The following CUL1 variants were observed in gnomAD, a reference collection of about 807,000 sequenced individuals.
CUL1 encodes cullin-1.
In CUL1, 24 loss-of-function variants were observed where a neutral mutation model predicts 118.0. The observed-to-expected ratio is 0.20, with a 90% CI of 0.15 to 0.29. The LOEUF (loss-of-function observed/expected upper bound fraction) is 0.29. CUL1 is among the 10% of genes least tolerant of loss of function. The pLI is 1.00. For synonymous variants in CUL1, 332 were observed against 340.4 expected (o/e 0.98, Z 0.27); for missense variants, 361 against 933.8 (o/e 0.39, Z 7.99).
chr7:148,699,031 T>G lies in CUL1; in HGVS notation c.-162+2T>G. On this transcript the variant is annotated splice_donor_variant, in intron 1 of 21. Transcript: ENST00000325222. LOFTEE classifies it low-confidence loss of function (5UTR_SPLICE). ...CTTTGGGGCACCACAGAGATGCGGG[T>G]GAGTGTCGGCAGCCGCCGGGGCCGA... is the stretch of plus-strand genomic sequence containing the variant. 6.6e-6 allele frequency: 1 copy of G among 150,694 alleles called. No homozygotes were observed. Among genetic ancestry groups the G allele is most frequent in the East Asian group, 2.0e-4 (1 of 5,012 alleles). The allele number at this position is 150,694 out of a possible 1,614,324, so 9.3% of individuals were successfully genotyped here.
intron 1 of CUL1, among the ~76,000 whole-genome samples, chr7:148,704,776 G>A (rs1585523705): frequency 6.6e-6 from 1 of 152,160 alleles, no homozygotes; most frequent in East Asian, 1.9e-4. Context: ...TTGTCTCTGA[G>A]CAGTGGAGTT....
rs544374336 is a variant in CUL1, at chr7:148,714,452, A to G, written c.-162+15423A>G. ...TCTCCTGAGCTTATTCCTCCTATCT[A>G]ACTGAGACTTCGCACCTTTGACCAG... On this transcript the variant is annotated intron_variant, in intron 1 of 21. Transcript: ENST00000325222. 3.3e-5 allele frequency among the ~76,000 whole-genome samples: 5 copies of G among 152,308 alleles called. No homozygotes were observed. The South Asian group carries it at 1.0e-3, about 32-fold the overall frequency.
chr7:148,756,888 A>G, intron 3 of CUL1, 95 bp from the exon 4 acceptor site: 8 of 747,940 alleles, frequency 1.1e-5, no homozygotes, highest in Admixed American at 3.0e-5. Context: ...CACATGTGTC[A>G]ATGTATTTTA....
chr7:148,765,082 A>G (rs1799963154), intron 7 of CUL1, among the ~76,000 whole-genome samples: 2 of 152,088 alleles, frequency 1.3e-5, no homozygotes, highest in South Asian at 4.2e-4. Flanking sequence ...TTTGCTGGAG[A>G]TCATTATGTA....
intron 9 of CUL1, among the ~76,000 whole-genome samples, chr7:148,770,444 A>G (rs1384991465): frequency 6.6e-6 from 1 of 152,244 alleles, no homozygotes; most frequent in Non-Finnish European, 1.5e-5. Context: ...CACTGTTTCT[A>G]CATTGAACTC....
chr7:148,754,961 C>T (rs1322143602), intron 3 of CUL1, among the ~76,000 whole-genome samples: 1 of 151,972 alleles, frequency 6.6e-6, no homozygotes, highest in Non-Finnish European at 1.5e-5. Context: ...TTTATGTTGC[C>T]CAGGCTGGTC....
At chr7:148,779,237 G>A (rs1426307254) in intron 9 of CUL1, among the ~76,000 whole-genome samples, 1 of 152,204 alleles carries the variant, frequency 6.6e-6, no homozygotes, top group Non-Finnish European at 1.5e-5. Context: ...TCCTGGTTTA[G>A]CCATTTAGGA....
chr7:148,783,697 G>A, intron 9 of CUL1, 86 bp from the exon 10 acceptor site: 1 of 1,580,006 alleles, frequency 6.3e-7, no homozygotes, highest in Non-Finnish European at 8.7e-7. Context: ...AGAATATTTT[G>A]TATGCTAGTA....
At chr7:148,766,883 G>A (rs1800023810) in intron 8 of CUL1, among the ~76,000 whole-genome samples, 160 bp downstream of exon 8, 1 of 152,186 alleles carries the variant, frequency 6.6e-6, no homozygotes, top group Non-Finnish European at 1.5e-5. Context: ...TCAGACTTCT[G>A]CAGAGCATTT....
At chr7:148,768,118 A>G (rs894078957) in intron 9 of CUL1, among the ~76,000 whole-genome samples, 1 of 152,130 alleles carries the variant, frequency 6.6e-6, no homozygotes, top group African/African-American at 2.4e-5. Flanking sequence ...TTTGATCTGG[A>G]TAGTAGCCTC....
intron 1 of CUL1, among the ~76,000 whole-genome samples, chr7:148,703,089 G>A (rs1267745748): frequency 6.6e-6 from 1 of 152,204 alleles, no homozygotes; most frequent in Non-Finnish European, 1.5e-5. Context: ...CGGAGCTCAG[G>A]CTTTTAACCA....
Position 148,742,598 on chromosome 7 carries a change from G to GTTTTTTTTTTTTTTT in CUL1, c.141-11374_141-11360dup, listed in dbSNP as rs59592789. Among the ~76,000 whole-genome samples, 424 of 112,122 alleles carry GTTTTTTTTTTTTTTT rather than the reference G, an allele frequency of 3.8e-3. 7 individuals are homozygous for GTTTTTTTTTTTTTTT. The highest frequency in any genetic ancestry group is 5.4e-3 in the Middle Eastern group (1 of 186). The allele number at this position is 112,122 out of a possible 152,430, so 73.6% of individuals were successfully genotyped here. A position where few individuals can be genotyped will look rare whatever the true frequency, so the allele number is the denominator to read the frequency against. On this transcript the variant is annotated intron_variant, in intron 2 of 21. Transcript: ENST00000325222. ...TTCTTAAATCTTTCTACCTTTTCTG[G>GTTTTTTTTTTTTTTT]TTTTTTTTTTTTTTTTTTGAGTTGG...
At chr7:148,722,414 G>T (rs1478995810) in intron 1 of CUL1, among the ~76,000 whole-genome samples, 1 of 152,064 alleles carries the variant, frequency 6.6e-6, no homozygotes, top group Admixed American at 6.6e-5. Flanking sequence ...CTCCATAGCC[G>T]CTTCTCACAC....
At chr7:148,793,050 C>T (rs2129463401) in intron 17 of CUL1, among the ~76,000 whole-genome samples, 1 of 152,330 alleles carries the variant, frequency 6.6e-6, no homozygotes, top group East Asian at 1.9e-4. Context: ...GTCCCAGCTT[C>T]TTGGGAGGCT....
Position 148,800,637 on chromosome 7 carries a change from G to T in CUL1, c.*55G>T. On this transcript the variant is annotated 3_prime_UTR_variant, in exon 22 of 22. Transcript: ENST00000325222. The surrounding 1 kb of genome is among the most constrained non-coding windows in gnomAD (Gnocchi z 4.6). ...CGCAGCAAATAGTTCATGTTGGAAA[G>T]AATGAAAACAACTCAAGTTCATAGC... The T allele has an allele frequency of 7.0e-7, 1 of 1,423,946 alleles. No individual in the cohort carries two copies. The highest frequency in any genetic ancestry group is 9.8e-7 in the Non-Finnish European group (1 of 1,017,366). The allele number at this position is 1,423,946 out of a possible 1,614,324, so 88.2% of individuals were successfully genotyped here. A position where few individuals can be genotyped will look rare whatever the true frequency, so the allele number is the denominator to read the frequency against.
At chr7:148,774,008 G>A (rs552736982) in intron 9 of CUL1, among the ~76,000 whole-genome samples, 15 of 152,156 alleles carry the variant, frequency 9.9e-5, no homozygotes, top group Admixed American at 7.2e-4. Flanking sequence ...CCATTGCTCC[G>A]AAAAGGACTT....
intron 4 of CUL1, among the ~76,000 whole-genome samples, chr7:148,758,088 C>G (rs1355661927): frequency 6.6e-6 from 1 of 152,158 alleles, no homozygotes; most frequent in Non-Finnish European, 1.5e-5. Flanking sequence ...AGGCCTCATC[C>G]TAGACTTAAA....
intron 8 of CUL1, among the ~76,000 whole-genome samples, 159 bp downstream of exon 8, chr7:148,766,882 T>G (rs1800023719): frequency 1.3e-5 from 2 of 152,256 alleles, no homozygotes; most frequent in African/African-American, 2.4e-5. Context: ...TTCAGACTTC[T>G]GCAGAGCATT....
chr7:148,780,113 G>A (rs536731099), intron 9 of CUL1, among the ~76,000 whole-genome samples: 68 of 151,570 alleles, frequency 4.5e-4, no homozygotes, highest in African/African-American at 1.4e-3. Flanking sequence ...ATAAACTCCC[G>A]TATATATATA....
Sources: allele counts gnomAD v4.1 joint callset (sites outside exome capture counted in the v4.1 genomes callset), GRCh38; gene constraint gnomAD v4.1.1; non-coding constraint Gnocchi (gnomAD v3.1); transcripts MANE v1.5; gene names NCBI Gene and HGNC (gene_info 2026-07-23, HGNC 2026-07-21).